AMOT: variants seen among roughly 807,000 people sequenced by gnomAD.
The protein encoded by AMOT is angiomotin.
In AMOT, 11 loss-of-function variants were observed where a neutral mutation model predicts 67.0. That is an observed-to-expected ratio of 0.16 (90% CI 0.10 to 0.27). AMOT has a LOEUF of 0.27. AMOT is among the 10% of genes least tolerant of loss of function. The pLI is 1.00. For synonymous variants in AMOT, 326 were observed against 321.4 expected, an observed-to-expected ratio of 1.01 and a Z score of -0.15; for missense variants, 753 against 852.0, an observed-to-expected ratio of 0.88 and a Z score of 1.45.
chrX:112,823,997 A>G lies in AMOT; in HGVS notation c.-62-809T>C, dbSNP rs190396452. Among the ~76,000 whole-genome samples, 765 of 112,202 alleles carry G rather than the reference A, an allele frequency of 6.8e-3. 2 individuals are homozygous for G. Among genetic ancestry groups the G allele is most frequent in the Non-Finnish European group, 0.01 (554 of 53,230 alleles). Reference sequence around the variant, plus strand: ...AAAATATAAAGATCATCCTTCTGGAAAGGGTATACGATTAGCATATCCCCT... The same window carrying G: ...AAAATATAAAGATCATCCTTCTGGAGAGGGTATACGATTAGCATATCCCCT... On this transcript the variant is annotated intron_variant, in intron 3 of 13. Transcript: ENST00000371959.
intron 8 of AMOT, among the ~76,000 whole-genome samples, chrX:112,796,703 A>G (rs915025855): frequency 2.7e-5 from 3 of 111,635 alleles, no homozygotes; most frequent in African/African-American, 9.8e-5. Flanking sequence ...ACAGTACTCC[A>G]AGGTCCAATC....
chrX:112,825,440 A>T lies in AMOT; in HGVS notation c.-211-220T>A, dbSNP rs151237294. ...CGGAAGGCCAGGCCAGTCTCCAGTG[A>T]TGGAAATGTTCAGGTCTGAGACTTG... On this transcript the variant is annotated intron_variant, in intron 2 of 13. Coordinates refer to ENST00000371959, the MANE Select transcript of AMOT (RefSeq NM_001113490.2). 3.7e-3 allele frequency among the ~76,000 whole-genome samples: 408 copies of T among 111,671 alleles called. 1 individual carries two copies. The highest frequency in any genetic ancestry group is 0.012 in the African/African-American group (375 of 30,771).
intron 11 of AMOT, 93 bp from the exon 12 acceptor site, chrX:112,781,211 G>A: frequency 1.2e-6 from 1 of 842,748 alleles, no homozygotes; most frequent in Non-Finnish European, 1.7e-6. Context: ...GGAGGCCGAG[G>A]TGGGCGGATT....
In AMOT at chrX:112,779,301, G is replaced by A. The variant is rs762450203; in HGVS notation, c.2853C>T (p.Ala951=). 6 of 683,688 alleles carry A rather than the reference G, an allele frequency of 8.8e-6. No individual in the cohort carries two copies. In the South Asian group the frequency reaches 1.4e-4, roughly 16 times the overall value. 56.3% of individuals were successfully genotyped at this position (683,688 alleles called of 1,213,427 possible). A position where few individuals can be genotyped will look rare whatever the true frequency, so the allele number is the denominator to read the frequency against. Residue 951 remains alanine, a synonymous_variant, in exon 13 of 14, where the codon GCC becomes GCT. Transcript: ENST00000371959. ...CAACGGCAGCAGCTGAGGCAACAGA[G>A]GCAGCAGCTGGAATCTGACCAGCAG... is the stretch of plus-strand genomic sequence containing the variant. ...PAAAGQIPAA[A]SVASAAAVAP... is the part of the protein sequence containing the mutation.
At chrX:112,812,091 G>C (rs940652256) in intron 5 of AMOT, among the ~76,000 whole-genome samples, 1 of 112,191 alleles carries the variant, frequency 8.9e-6, no homozygotes, top group Non-Finnish European at 1.9e-5. Context: ...AAGAAAAGTA[G>C]AAGTAGTGCC....
chrX:112,800,534 C>G (rs1034471755), intron 8 of AMOT, among the ~76,000 whole-genome samples: 2 of 112,128 alleles, frequency 1.8e-5, no homozygotes, highest in African/African-American at 6.5e-5. Context: ...CAATGAAATC[C>G]TATTGCTGTT....
chrX:112,805,040 G>C lies in AMOT; in HGVS notation c.1683C>G (p.Ala561=). 1 of 1,211,568 alleles carries C rather than the reference G, an allele frequency of 8.3e-7. No individual in the cohort carries two copies. Among genetic ancestry groups the C allele is most frequent in the South Asian group, 1.8e-5 (1 of 56,942 alleles). ...GTCTTTGGTCCTCATTGGTAGAACG[G>C]GCAGTGGCCAGCTCCGCTTCCAGCT... The part of the protein sequence containing the change: ...KEKLEAELAT[A]RSTNEDQRRH... The change falls in exon 8 of 14, where the codon GCC becomes GCG. Residue 561 remains alanine (A), a synonymous_variant. Transcript: ENST00000371959.
At chrX:112,782,784 C>G in intron 10 of AMOT, 122 bp from the exon 11 acceptor site, 1 of 922,538 alleles carries the variant, frequency 1.1e-6, no homozygotes, top group African/African-American at 2.0e-5. Context: ...ACATTTGGAA[C>G]AGATGGTTTC....
chrX:112,831,414 C>T (rs1340644393), intron 2 of AMOT, among the ~76,000 whole-genome samples: 1 of 107,695 alleles, frequency 9.3e-6, no homozygotes, highest in Admixed American at 1.0e-4. Flanking sequence ...TTACTGTAGC[C>T]AGACATTGTG....
At chrX:112,809,308 A>G (rs1047951474) in intron 7 of AMOT, among the ~76,000 whole-genome samples, 3 of 111,693 alleles carry the variant, frequency 2.7e-5, no homozygotes, top group Admixed American at 9.5e-5. Context: ...GGATTAATTC[A>G]TTGTCATGGT....
At chrX:112,796,256 ACT>A (rs1045116307) in intron 8 of AMOT, among the ~76,000 whole-genome samples, 5 of 112,223 alleles carry the variant, frequency 4.5e-5, no homozygotes, top group Admixed American at 2.8e-4. Context: ...CAAGAGACAT[ACT>A]ATATAATGTG....
intron 8 of AMOT, among the ~76,000 whole-genome samples, chrX:112,795,247 T>TGTGTG (rs202038249): frequency 0.022 from 2,141 of 96,553 alleles, 58 homozygotes; most frequent in African/African-American, 0.093. Context: ...TGTCTCTCTC[T>TGTGTG]CTGTGTGTGT....
At chrX:112,790,014 T>A (rs937814468) in intron 10 of AMOT, among the ~76,000 whole-genome samples, 3 of 103,284 alleles carry the variant, frequency 2.9e-5, no homozygotes, top group Admixed American at 1.1e-4. Context: ...AAAGTAAAAA[T>A]CCTCCAGCCA....
chrX:112,781,767 G>C (rs1215871361), intron 11 of AMOT, among the ~76,000 whole-genome samples: 9 of 111,871 alleles, frequency 8.0e-5, no homozygotes, highest in Non-Finnish European at 1.7e-4. Context: ...TCAGTCAATG[G>C]AAACAATTTA....
At chrX:112,792,763 C>A (rs1264407219) in intron 8 of AMOT, among the ~76,000 whole-genome samples, 2 of 111,270 alleles carry the variant, frequency 1.8e-5, no homozygotes, top group South Asian at 3.8e-4. Context: ...TAAAAGATCC[C>A]GAAAGCCTCA....
chrX:112,805,798 G>T (rs1369504973), intron 7 of AMOT, among the ~76,000 whole-genome samples: 1 of 111,993 alleles, frequency 8.9e-6, no homozygotes, highest in Non-Finnish European at 1.9e-5. Flanking sequence ...TCTCCAGTAG[G>T]ATAGGCTAGG....
At chrX:112,830,191 T>C (rs1250487137) in intron 2 of AMOT, among the ~76,000 whole-genome samples, 3 of 112,240 alleles carry the variant, frequency 2.7e-5, no homozygotes, top group Non-Finnish European at 5.6e-5. Flanking sequence ...TTAGTTTTCC[T>C]ATGTGTATTT....
chrX:112,827,028 T>C (rs547126825), intron 2 of AMOT, among the ~76,000 whole-genome samples: 14 of 112,017 alleles, frequency 1.2e-4, no homozygotes, highest in African/African-American at 3.9e-4. Flanking sequence ...TGGCTGATTT[T>C]CATATTTTTA....
chrX:112,785,865 A>G (rs998898451), intron 10 of AMOT, among the ~76,000 whole-genome samples: 1 of 112,449 alleles, frequency 8.9e-6, no homozygotes, highest in African/African-American at 3.2e-5. Context: ...GGAAGAATGA[A>G]TAACAACTTT....
Sources: allele counts gnomAD v4.1 joint callset (sites outside exome capture counted in the v4.1 genomes callset), GRCh38; gene constraint gnomAD v4.1.1; transcripts MANE v1.5; gene names NCBI Gene and HGNC (gene_info 2026-07-23, HGNC 2026-07-21).